SECISBP2L: variants seen among roughly 807,000 people sequenced by gnomAD.
SECISBP2L encodes selenocysteine insertion sequence-binding protein 2-like.
In SECISBP2L, 43 loss-of-function variants were observed where a neutral mutation model predicts 114.7. The observed-to-expected ratio is 0.38, with a 90% confidence interval of 0.29 to 0.48. The LOEUF (loss-of-function observed/expected upper bound fraction) is 0.48. Ranked by LOEUF, SECISBP2L falls within the 20% of genes least tolerant of loss-of-function variation. SECISBP2L has a pLI of 0.98. For missense variants in SECISBP2L, 1,136 were observed against 1,301.1 expected (o/e 0.87, Z 1.95); for synonymous variants, 451 against 439.7 (o/e 1.03, Z -0.32).
At chr15:48,993,897 T>C (rs1342364924) in intron 17 of SECISBP2L, among the ~76,000 whole-genome samples, 1 of 152,150 alleles carries the variant, frequency 6.6e-6, no homozygotes, top group African/African-American at 2.4e-5. Context: ...ACATTACAGC[T>C]ACTATTTGCA....
chr15:49,034,664 C>CTTTCGTT (rs1555387326), intron 3 of SECISBP2L, among the ~76,000 whole-genome samples: 1 of 63,372 alleles, frequency 1.6e-5, no homozygotes. Flanking sequence ...GAAAGTATAT[C>CTTTCGTT]TTTTGTTTTT....
intron 14 of SECISBP2L, among the ~76,000 whole-genome samples, chr15:49,006,576 G>C (rs184280369): frequency 3.3e-5 from 5 of 151,940 alleles, no homozygotes; most frequent in East Asian, 1.9e-4. Flanking sequence ...GGAAGTTCTC[G>C]TGCTGTTTTT....
At chr15:49,018,340 T>A (rs2141073193) in intron 8 of SECISBP2L, among the ~76,000 whole-genome samples, 1 of 150,824 alleles carries the variant, frequency 6.6e-6, no homozygotes, top group South Asian at 2.1e-4. Flanking sequence ...CACTGCAACC[T>A]CCACCTCCTG....
At chr15:49,040,941 T>TA (rs139854856) in intron 1 of SECISBP2L, among the ~76,000 whole-genome samples, 6,773 of 145,546 alleles carry the variant, frequency 0.047, 231 homozygotes, top group East Asian at 0.15. Flanking sequence ...ATTATACAAA[T>TA]AAAAAAAAAA....
chr15:49,027,013 G>C (rs1419856888), intron 7 of SECISBP2L, among the ~76,000 whole-genome samples: 6 of 152,178 alleles, frequency 3.9e-5, no homozygotes, highest in Admixed American at 3.9e-4. Flanking sequence ...CGTGGACAAG[G>C]CTACAATCCT....
chr15:48,994,767 A>C (rs1595780405), intron 17 of SECISBP2L, among the ~76,000 whole-genome samples: 1 of 147,136 alleles, frequency 6.8e-6, no homozygotes, highest in Non-Finnish European at 1.5e-5. Context: ...TTGCTGTTTC[A>C]CCTTCCTCAT....
intron 13 of SECISBP2L, among the ~76,000 whole-genome samples, chr15:49,009,621 C>A (rs1270661032): frequency 1.3e-5 from 2 of 152,008 alleles, no homozygotes; most frequent in African/African-American, 4.8e-5. Flanking sequence ...TGCCTGTGGT[C>A]CCAGCTACTC....
intron 7 of SECISBP2L, among the ~76,000 whole-genome samples, chr15:49,022,356 T>G (rs1451130406): frequency 6.6e-6 from 1 of 152,120 alleles, no homozygotes; most frequent in Non-Finnish European, 1.5e-5. Context: ...TCCCAGCACT[T>G]TGGGAGGCTG....
chr15:49,031,605 C>G lies in SECISBP2L; in HGVS notation c.664+1360G>C, dbSNP rs554600255. 8.5e-5 allele frequency among the ~76,000 whole-genome samples: 13 copies of G among 152,140 alleles called. No homozygotes were observed. The East Asian group carries it at 1.9e-3, about 23-fold the overall frequency. ...TCCTAATGAACTATAATATTTAATT[C>G]GATCTCTGATTGATACCAATTAATC... On this transcript the variant is annotated intron_variant, in intron 4 of 17. Transcript: ENST00000559471.
intron 13 of SECISBP2L, among the ~76,000 whole-genome samples, chr15:49,010,318 C>G (rs1419128943): frequency 2.0e-5 from 3 of 152,004 alleles, no homozygotes; most frequent in Non-Finnish European, 4.4e-5. Context: ...AGGTACCACC[C>G]CGGTCTCTCT....
chr15:48,999,689 C>A, intron 16 of SECISBP2L, 144 bp downstream of exon 16: 1 of 814,588 alleles, frequency 1.2e-6, no homozygotes. Context: ...AAATGTAATA[C>A]TCAAAAAATT....
Position 48,992,446 on chromosome 15 carries a change from T to C in SECISBP2L, c.3104A>G (p.Lys1035Arg). 2 of 1,614,148 alleles carry C rather than the reference T, an allele frequency of 1.2e-6. No individual in the cohort carries two copies. The highest frequency in any genetic ancestry group is 1.7e-6 in the Non-Finnish European group (2 of 1,180,038). Residue 1035 changes from lysine (K) to arginine (R), a missense_variant, in exon 18 of 18, where the codon AAA (lysine) becomes AGA (arginine). Physicochemically the swap from Lys to Arg is conservative, Grantham distance 26. Around this residue, in one of 2 missense-constraint regions of SECISBP2L, gnomAD observed 684 missense variants for 848.7 expected, o/e 0.81. Transcript: ENST00000559471. The stretch of plus-strand genomic sequence containing the variant: ...GTCTTCCTCAGAACCATTAAGGGTT[T>C]TTCCAAGCTGAAGGGTTTCCATAGT... ...QRTMETLQLG[K>R]TLNGSEEDNV...
chr15:49,002,681 T>G (rs919811043), intron 14 of SECISBP2L, among the ~76,000 whole-genome samples: 3 of 152,214 alleles, frequency 2.0e-5, no homozygotes, highest in African/African-American at 7.2e-5. Context: ...GGCTAGCCAG[T>G]TTTCCCAACA....
At position 49,025,360 on chromosome 15, in the gene SECISBP2L, G is replaced by A. The variant is rs547334618; in HGVS notation, c.1035+2005C>T. Among the ~76,000 whole-genome samples, 28 of 152,232 alleles carry A rather than the reference G, an allele frequency of 1.8e-4. No individual in the cohort carries two copies. In the East Asian group the frequency reaches 5.4e-3, roughly 29 times the overall value. ...GACTTTTTCAGATTCTGGAATATCT[G>A]CATATACATACTGAGGTACCTTGGG... On this transcript the variant is annotated intron_variant, in intron 7 of 17. Coordinates refer to ENST00000559471, the MANE Select transcript of SECISBP2L (RefSeq NM_001193489.2).
intron 1 of SECISBP2L, among the ~76,000 whole-genome samples, chr15:49,045,119 T>C (rs1566865585): frequency 6.6e-6 from 1 of 152,222 alleles, no homozygotes; most frequent in Non-Finnish European, 1.5e-5. Flanking sequence ...TCTTTGGTAA[T>C]TCCATGTATT....
chr15:49,018,558 C>G (rs1293821577), intron 8 of SECISBP2L, among the ~76,000 whole-genome samples: 2 of 152,220 alleles, frequency 1.3e-5, no homozygotes, highest in Admixed American at 6.5e-5. Context: ...CATTAGCCAC[C>G]ACGCCCAGCA....
chr15:49,016,533 G>A, intron 11 of SECISBP2L, 27 bp downstream of exon 11: 1 of 1,565,602 alleles, frequency 6.4e-7, no homozygotes, highest in Non-Finnish European at 8.6e-7. Flanking sequence ...GAGACAAACA[G>A]CAAATTGCTC....
chr15:49,044,422 C>T (rs893573576), intron 1 of SECISBP2L, among the ~76,000 whole-genome samples: 2 of 151,980 alleles, frequency 1.3e-5, no homozygotes, highest in African/African-American at 4.8e-5. Flanking sequence ...GGATTCTTGC[C>T]CTAGAAAAAG....
intron 7 of SECISBP2L, among the ~76,000 whole-genome samples, chr15:49,022,328 G>A (rs1370978945): frequency 1.3e-5 from 2 of 152,146 alleles, no homozygotes; most frequent in African/African-American, 4.8e-5. Flanking sequence ...AGCCAGGTGC[G>A]GTGGCTCATG....
Sources: gnomAD v4.1 joint callset for allele counts (sites outside exome capture counted in the v4.1 genomes callset) on GRCh38, gnomAD v4.1.1 for gene constraint, gnomAD v4.1.1 regional missense constraint, MANE v1.5 for transcripts, NCBI Gene and HGNC (gene_info 2026-07-23, HGNC 2026-07-21) for gene names.